SLC37A3: variants seen among roughly 807,000 people sequenced by gnomAD.
SLC37A3 encodes the protein solute carrier family 37 member 3.
A neutral mutation model predicts 67.1 loss-of-function variants in SLC37A3; 51 were observed. That is an observed-to-expected ratio of 0.76 (90% CI 0.61 to 0.96). The LOEUF (loss-of-function observed/expected upper bound fraction) is 0.96, where lower values mean the gene tolerates loss of function less well. Among genes scored for constraint, SLC37A3 ranks in the 40% least tolerant of loss-of-function variants. SLC37A3 has a pLI of 0.00. For missense variants in SLC37A3, 508 were observed against 603.0 expected, an observed-to-expected ratio of 0.84 and a Z score of 1.65; for synonymous variants, 214 against 231.4, an observed-to-expected ratio of 0.92 and a Z score of 0.68.
At chr7:140,361,517 C>T (rs1453489626) in intron 5 of SLC37A3, among the ~76,000 whole-genome samples, 1 of 88,628 alleles carries the variant, frequency 1.1e-5, no homozygotes, top group Non-Finnish European at 2.2e-5. Flanking sequence ...CTCCCCCTCC[C>T]CCTCCCCCTC....
Position 140,384,667 on chromosome 7 carries a change from T to C in SLC37A3, c.-70-2071A>G, listed in dbSNP as rs367987345. Among the ~76,000 whole-genome samples, 7 of 152,134 alleles carry C rather than the reference T, an allele frequency of 4.6e-5. No homozygotes were observed. The East Asian group carries it at 1.4e-3, about 29-fold the overall frequency. ...CCAGGGGTTCAAGGAGGCAGGGAGCTATGATCGCACCATTGCACTCCAGCC... is the reference window on the plus strand; with the variant it reads ...CCAGGGGTTCAAGGAGGCAGGGAGCCATGATCGCACCATTGCACTCCAGCC... On this transcript the variant is annotated intron_variant, in intron 1 of 14. Transcript: ENST00000326232.
chr7:140,358,533 A>G (rs962197627), intron 6 of SLC37A3, 107 bp downstream of exon 6: 4 of 1,438,150 alleles, frequency 2.8e-6, no homozygotes, highest in Non-Finnish European at 3.8e-6. Context: ...CTAACGAAAG[A>G]TGTGGGTGGT....
chr7:140,346,329 G>A (rs957604152), intron 10 of SLC37A3, among the ~76,000 whole-genome samples: 50 of 152,056 alleles, frequency 3.3e-4, no homozygotes, highest in African/African-American at 1.1e-3. Flanking sequence ...GCAGTGAGCC[G>A]AGATTGCGCC....
At position 140,335,213 on chromosome 7, in the gene SLC37A3, T is replaced by A. The variant is rs775901769; in HGVS notation, c.*199A>T. On this transcript the variant is annotated 3_prime_UTR_variant, in exon 15 of 15. Coordinates refer to ENST00000326232, the MANE Select transcript of SLC37A3 (RefSeq NM_207113.3). The stretch of plus-strand genomic sequence containing the variant: ...ATTCATGAAACAACAGCAAAAATCA[T>A]CAACAGTAATTCCTGTAGTGTAGAA... 25 of 1,598,760 alleles carry A rather than the reference T, an allele frequency of 1.6e-5. No individual in the cohort carries two copies. Among genetic ancestry groups the A allele is most frequent in the Non-Finnish European group, 2.1e-5 (25 of 1,169,494 alleles).
chr7:140,359,337 T>C (rs186662226), intron 5 of SLC37A3, among the ~76,000 whole-genome samples: 266 of 134,160 alleles, frequency 2.0e-3, no homozygotes, highest in African/African-American at 6.6e-3. Context: ...TGCGAGACTC[T>C]GTCTCAAAAA....
chr7:140,381,369 A>G (rs571361803), intron 2 of SLC37A3, among the ~76,000 whole-genome samples: 30 of 151,914 alleles, frequency 2.0e-4, no homozygotes, highest in Non-Finnish European at 2.9e-4. Flanking sequence ...ATAATAAAAA[A>G]TAATAATAAG....
intron 12 of SLC37A3, 62 bp from the exon 13 acceptor site, chr7:140,343,625 A>G: frequency 6.6e-7 from 1 of 1,524,290 alleles, no homozygotes; most frequent in Non-Finnish European, 9.0e-7. Context: ...TCTACTGCAT[A>G]AGGCAAAATA....
intron 14 of SLC37A3, 49 bp from the exon 15 acceptor site, chr7:140,335,553 TAG>T: frequency 1.3e-6 from 2 of 1,591,812 alleles, no homozygotes; most frequent in Non-Finnish European, 1.7e-6. Flanking sequence ...TTACTTCTGT[TAG>T]AGTGTCATGT....
At chr7:140,383,610 T>A (rs993070193) in intron 1 of SLC37A3, among the ~76,000 whole-genome samples, 13 of 152,014 alleles carry the variant, frequency 8.6e-5, no homozygotes, top group Non-Finnish European at 1.6e-4. Context: ...AATGAAAAAA[T>A]TTGTGTCAAA....
chr7:140,351,316 GC>G lies in SLC37A3; in HGVS notation c.838del (p.Ala280ArgfsTer2). 6.2e-7 allele frequency: 1 copy of G among 1,614,058 alleles called. No homozygotes were observed. The highest frequency in any genetic ancestry group is 1.1e-5 in the South Asian group (1 of 91,070). ...QDDSSVAQVKAISFYQACCLP... is the reference protein window; with the variant it reads ...QDDSSVAQVKXISFYQACCLP... ...GCAACATGCCTGGTAGAAGCTTATC[GC>G]CTTGACTTGGGCAACAGAACTATCA... On this transcript the variant is annotated frameshift_variant, in exon 9 of 15. Coordinates refer to ENST00000326232, the MANE Select transcript of SLC37A3 (RefSeq NM_207113.3). LOFTEE classifies it high-confidence loss of function.
intron 3 of SLC37A3, among the ~76,000 whole-genome samples, chr7:140,370,013 G>A (rs2129644114): frequency 1.3e-5 from 2 of 152,284 alleles, no homozygotes; most frequent in South Asian, 2.1e-4. Context: ...AAGAGGCTGA[G>A]GCACAAGAAT....
chr7:140,378,152 G>T (rs957640991), intron 3 of SLC37A3, among the ~76,000 whole-genome samples: 2 of 152,144 alleles, frequency 1.3e-5, no homozygotes, highest in Non-Finnish European at 2.9e-5. Flanking sequence ...CTATTTTTCT[G>T]TATATTGTTC....
chr7:140,351,783 T>C, intron 8 of SLC37A3: 1 of 577,274 alleles, frequency 1.7e-6, no homozygotes, highest in Admixed American at 3.0e-5. Context: ...ACATCTATGT[T>C]CATTCCTTGC....
In SLC37A3 at chr7:140,358,648, C is replaced by T; in HGVS notation, c.513G>A (p.Gly171=). ...CVVAVMGNWF[G]KAGRGVVFGL... ...GGAAGGAAGTGGCATACCCGGCTTTCCCAAACCAGTTGCCCATAACAGCAA... is the reference window on the plus strand; with the variant it reads ...GGAAGGAAGTGGCATACCCGGCTTTTCCAAACCAGTTGCCCATAACAGCAA... The change falls in exon 6 of 15, where the codon GGG becomes GGA. Residue 171 remains glycine, a synonymous_variant. Coordinates refer to ENST00000326232, the MANE Select transcript of SLC37A3 (RefSeq NM_207113.3). 1 of 1,614,122 alleles carries T rather than the reference C, an allele frequency of 6.2e-7. No individual in the cohort carries two copies. The highest frequency in any genetic ancestry group is 8.5e-7 in the Non-Finnish European group (1 of 1,180,010).
intron 1 of SLC37A3, among the ~76,000 whole-genome samples, chr7:140,390,464 G>A (rs924493688): frequency 1.2e-4 from 18 of 152,014 alleles, no homozygotes; most frequent in Non-Finnish European, 2.2e-4. Context: ...ATGCCTCAAG[G>A]ACACAAGCGT....
intron 1 of SLC37A3, among the ~76,000 whole-genome samples, chr7:140,394,631 C>T (rs1798847062): frequency 7.0e-6 from 1 of 143,180 alleles, no homozygotes; most frequent in Non-Finnish European, 1.5e-5. Flanking sequence ...GAAAAAAAAA[C>T]AGGGTCTCGC....
At chr7:140,361,721 G>A (rs1454894164) in intron 5 of SLC37A3, among the ~76,000 whole-genome samples, 2 of 147,022 alleles carry the variant, frequency 1.4e-5, no homozygotes, top group Non-Finnish European at 3.0e-5. Flanking sequence ...ACTGGTTTTC[G>A]TTTTTTTTTT....
rs913094724 is a variant in SLC37A3 at position 140,351,444 on chromosome 7, C to T, written c.711G>A (p.Ser237=). The change falls in exon 9 of 15, where the codon TCG becomes TCA. Residue 237 remains serine, a synonymous_variant. Transcript: ENST00000326232. ...LLVSPEEIGL[S]GIEAEENFEE... ...CAAAGTTTTCTTCTGCCTCAATACCCGAGAGACCTAAAATAACAGCGACAG... is the reference window on the plus strand; with the variant it reads ...CAAAGTTTTCTTCTGCCTCAATACCTGAGAGACCTAAAATAACAGCGACAG... 1.1e-5 allele frequency: 18 copies of T among 1,613,566 alleles called. No individual in the cohort carries two copies. The highest frequency in any genetic ancestry group is 4.0e-5 in the African/African-American group (3 of 74,872).
At position 140,335,324 on chromosome 7, in the gene SLC37A3, C is replaced by T. The variant is rs147157364; in HGVS notation, c.*88G>A. On this transcript the variant is annotated 3_prime_UTR_variant, in exon 15 of 15. Transcript: ENST00000326232. ...CTGACAATCCAAGATCAGGCTGGAG[C>T]TCCTAGACAAACCCAAATTAGGGCA... is the stretch of plus-strand genomic sequence containing the variant. 1.2e-4 allele frequency: 197 copies of T among 1,614,034 alleles called. No individual in the cohort carries two copies. Among genetic ancestry groups the T allele is most frequent in the Admixed American group, 4.3e-4 (26 of 59,996 alleles).
Sources: gnomAD v4.1 joint callset for allele counts (sites outside exome capture counted in the v4.1 genomes callset) on GRCh38, gnomAD v4.1.1 for gene constraint, MANE v1.5 for transcripts, NCBI Gene and HGNC (gene_info 2026-07-23, HGNC 2026-07-21) for gene names.